The following CTNNA3 variants were observed in gnomAD, a reference collection of about 807,000 sequenced individuals.
CTNNA3 encodes the protein catenin alpha 3.
CTNNA3 carries 76 observed loss-of-function variants against 95.7 expected under a neutral mutation model. The observed-to-expected ratio is 0.79, with a 90% CI of 0.66 to 0.96. The LOEUF is 0.96. CTNNA3 is among the 40% of genes least tolerant of loss of function. The pLI, the probability that CTNNA3 is intolerant of heterozygous loss-of-function variation, is 0.00. For synonymous variants in CTNNA3, 431 were observed against 374.4 expected (o/e 1.15, Z -1.74); for missense variants, 1,191 against 1,089.8 (o/e 1.09, Z -1.31).
intron 13 of CTNNA3, among the ~76,000 whole-genome samples, chr10:66,157,512 TAGA>T (rs2084600322): frequency 9.5e-6 from 1 of 105,730 alleles, no homozygotes; most frequent in Non-Finnish European, 2.2e-5. Flanking sequence ...GATAGATAGA[TAGA>T]TAGATAGATA....
Position 66,932,213 on chromosome 10 carries a change from C to T in CTNNA3, c.1048-156689G>A, listed in dbSNP as rs142485896. On this transcript the variant is annotated intron_variant, in intron 7 of 17. Transcript: ENST00000433211. ...TCATGGATAATGAAATTATGCTCTC[C>T]TTCTGGGGAAGGATAATGCAGAGTC... Among the ~76,000 whole-genome samples, 329 of 152,292 alleles carry T rather than the reference C, an allele frequency of 2.2e-3. 1 individual carries two copies. Among genetic ancestry groups the T allele is most frequent in the Non-Finnish European group, 4.1e-3 (279 of 68,014 alleles).
intron 13 of CTNNA3, among the ~76,000 whole-genome samples, chr10:66,103,721 G>A (rs2081751514): frequency 6.6e-6 from 1 of 152,136 alleles, no homozygotes; most frequent in East Asian, 1.9e-4. Context: ...AGGTGCTAGG[G>A]GAAAGGGGAA....
At chr10:66,318,276 A>ATGTG (rs138734509) in intron 12 of CTNNA3, among the ~76,000 whole-genome samples, 67 of 136,656 alleles carry the variant, frequency 4.9e-4, no homozygotes, top group Admixed American at 1.2e-3. Flanking sequence ...ATATATATAT[A>ATGTG]TGTGTGTGTG....
intron 13 of CTNNA3, among the ~76,000 whole-genome samples, chr10:66,257,868 CT>C: frequency 6.6e-6 from 1 of 152,170 alleles, no homozygotes; most frequent in East Asian, 1.9e-4. Context: ...GTCCCAAACA[CT>C]TATACCCTTT....
At chr10:66,008,409 T>C (rs915365027) in intron 15 of CTNNA3, among the ~76,000 whole-genome samples, 4 of 152,214 alleles carry the variant, frequency 2.6e-5, no homozygotes, top group African/African-American at 9.6e-5. Flanking sequence ...GCCTGTTCCA[T>C]GGGATCAGTT....
At chr10:67,592,846 T>C (rs772195290) in intron 3 of CTNNA3, among the ~76,000 whole-genome samples, 22 of 152,232 alleles carry the variant, frequency 1.4e-4, no homozygotes, top group Middle Eastern at 3.4e-3. Context: ...GGTTCGGGGG[T>C]ACATGTGCAG....
intron 2 of CTNNA3, among the ~76,000 whole-genome samples, chr10:67,641,558 G>A (rs1229828869): frequency 6.6e-5 from 10 of 152,116 alleles, no homozygotes; most frequent in South Asian, 6.2e-4. Context: ...ACATGCACAC[G>A]TATGTTTACT....
chr10:66,781,446 T>C (rs1651252432), intron 7 of CTNNA3, among the ~76,000 whole-genome samples: 1 of 152,048 alleles, frequency 6.6e-6, no homozygotes, highest in South Asian at 2.1e-4. Context: ...AACAGACAAG[T>C]ATAAGAAAGA....
intron 1 of CTNNA3, chr10:67,648,635 G>T: frequency 1.2e-6 from 1 of 810,040 alleles, no homozygotes; most frequent in Non-Finnish European, 1.7e-6. Context: ...TAAGTGAAAA[G>T]ATATTACTTG....
At chr10:67,149,945 T>C (rs1218736380) in intron 7 of CTNNA3, among the ~76,000 whole-genome samples, 1 of 152,200 alleles carries the variant, frequency 6.6e-6, no homozygotes, top group Non-Finnish European at 1.5e-5. Context: ...TTTTAATAAA[T>C]AATTCACACT....
At chr10:66,560,855 C>T (rs963027723) in intron 10 of CTNNA3, among the ~76,000 whole-genome samples, 5 of 151,900 alleles carry the variant, frequency 3.3e-5, no homozygotes, top group Admixed American at 6.6e-5. Flanking sequence ...CTCTCTCTCC[C>T]TCTCTCTCTG....
At chr10:66,967,659 TA>T (rs1156694219) in intron 7 of CTNNA3, among the ~76,000 whole-genome samples, 1 of 152,042 alleles carries the variant, frequency 6.6e-6, no homozygotes, top group African/African-American at 2.4e-5. Flanking sequence ...ACACATTTTC[TA>T]ACATTTATTA....
intron 11 of CTNNA3, among the ~76,000 whole-genome samples, chr10:66,469,796 G>C (rs1408225214): frequency 6.6e-6 from 1 of 151,792 alleles, no homozygotes; most frequent in Non-Finnish European, 1.5e-5. Flanking sequence ...TATCTAGGAA[G>C]TAGAATCAAT....
At chr10:67,010,332 A>G (rs1307818694) in intron 7 of CTNNA3, among the ~76,000 whole-genome samples, 1 of 152,240 alleles carries the variant, frequency 6.6e-6, no homozygotes, top group African/African-American at 2.4e-5. Flanking sequence ...AGAAAATCCA[A>G]CAATGTTTTA....
At chr10:66,708,449 C>T (rs1848188981) in intron 9 of CTNNA3, among the ~76,000 whole-genome samples, 1 of 151,982 alleles carries the variant, frequency 6.6e-6, no homozygotes, top group Admixed American at 6.6e-5. Flanking sequence ...CAAATATTCT[C>T]TTCTTACAAG....
At chr10:66,281,590 G>T (rs2091492452) in intron 12 of CTNNA3, among the ~76,000 whole-genome samples, 1 of 151,822 alleles carries the variant, frequency 6.6e-6, no homozygotes. Context: ...TAGTGAGGAA[G>T]CCTCTTGCCC....
At chr10:66,446,353 C>T (rs1279345748) in intron 11 of CTNNA3, among the ~76,000 whole-genome samples, 1 of 149,754 alleles carries the variant, frequency 6.7e-6, no homozygotes, top group Non-Finnish European at 1.5e-5. Flanking sequence ...ATACCAAAGC[C>T]TGGCAGAGAC....
chr10:67,464,983 C>CT (rs1847530727), intron 5 of CTNNA3, among the ~76,000 whole-genome samples: 1 of 151,796 alleles, frequency 6.6e-6, no homozygotes, highest in Non-Finnish European at 1.5e-5. Context: ...ATTTTTAATG[C>CT]TTTATGAAGG....
intron 15 of CTNNA3, among the ~76,000 whole-genome samples, chr10:66,028,199 G>T (rs1432356246): frequency 6.6e-6 from 1 of 152,076 alleles, no homozygotes; most frequent in East Asian, 1.9e-4. Context: ...AATTCCTCAG[G>T]GATCTAGAAC....
Sources: gnomAD v4.1 joint callset for allele counts (sites outside exome capture counted in the v4.1 genomes callset) on GRCh38, gnomAD v4.1.1 for gene constraint, MANE v1.5 for transcripts, NCBI Gene and HGNC (gene_info 2026-07-23, HGNC 2026-07-21) for gene names.